Variants in MAST4 observed in about 807,000 individuals in gnomAD.
MAST4 encodes microtubule-associated serine/threonine-protein kinase 4.
A neutral mutation model predicts 162.7 loss-of-function variants in MAST4; 89 were observed. The observed-to-expected ratio is 0.55, with a 90% CI of 0.46 to 0.65. The LOEUF is 0.65. Ranked by LOEUF, MAST4 falls within the 30% of genes least tolerant of loss-of-function variation. The pLI, the probability that MAST4 is intolerant of heterozygous loss-of-function variation, is 0.00. For synonymous variants in MAST4, 1,479 were observed against 1,361.1 expected, an observed-to-expected ratio of 1.09 and a Z score of -1.91; for missense variants, 3,153 against 3,374.0, an observed-to-expected ratio of 0.93 and a Z score of 1.62.
chr5:66,646,474 T>A (rs894238986), intron 1 of MAST4, among the ~76,000 whole-genome samples: 1 of 152,150 alleles, frequency 6.6e-6, no homozygotes, highest in Non-Finnish European at 1.5e-5. Context: ...AAAAGTGACA[T>A]TCTGTTCCTA....
Position 66,754,835 on chromosome 5 carries a change from A to G in MAST4, c.364-4874A>G, listed in dbSNP as rs950512844. Among the ~76,000 whole-genome samples the G allele has an allele frequency of 2.6e-5, 4 of 152,234 alleles. No individual in the cohort carries two copies. The East Asian group carries it at 7.7e-4, about 29-fold the overall frequency. ...TTTTACATAGGCATTTACAGAGGGC[A>G]TCCCAGGAAGAGTGACATTTGAATA... On this transcript the variant is annotated intron_variant, in intron 1 of 28. Transcript: ENST00000403625.
At chr5:67,150,733 T>G (rs903793961) in intron 24 of MAST4, among the ~76,000 whole-genome samples, 4 of 152,188 alleles carry the variant, frequency 2.6e-5, no homozygotes, top group Non-Finnish European at 4.4e-5. Context: ...GTTTGGGATC[T>G]ATGTGTGTCC....
At position 67,166,248 on chromosome 5, in the gene MAST4, A is replaced by G; in HGVS notation, c.7069A>G (p.Ser2357Gly). 6 of 1,552,664 alleles carry G rather than the reference A, an allele frequency of 3.9e-6. No homozygotes were observed. Among genetic ancestry groups the G allele is most frequent in the Non-Finnish European group, 4.4e-6 (5 of 1,147,488 alleles). The change falls in exon 29 of 29, where the codon AGC becomes GGC. Residue 2357 changes from serine (S) to glycine (G), a missense_variant. By Grantham distance (56) the Ser-to-Gly change is moderately conservative. This residue lies in a region of MAST4 where 1,644 missense variants were observed against 1,495.0 expected (regional missense o/e 1.10). Transcript: ENST00000403625. ...GACAGACAACAGACAGACAGACAAA[A>G]GCCCGAGTCAGCCGGCCGCCAACAC... ...KQTDNRQTDK[S>G]PSQPAANTDR...
rs1472511770 is a variant in MAST4, at chr5:67,169,117, G to A, written c.*2066G>A. On this transcript the variant is annotated 3_prime_UTR_variant, in exon 29 of 29. Transcript: ENST00000403625. ...TAACCCAATCCTACATTCAGCCATC[G>A]GGACAAGTCTGTCGGGGAGGTAGTT... 1.3e-5 allele frequency: 2 copies of A among 152,200 alleles called. No individual in the cohort carries two copies. The highest frequency in any genetic ancestry group is 2.1e-4 in the South Asian group (1 of 4,822). 9.4% of individuals were successfully genotyped at this position (152,200 alleles called of 1,614,324 possible).
intron 4 of MAST4, among the ~76,000 whole-genome samples, chr5:66,923,051 A>C (rs1325184197): frequency 2.0e-5 from 3 of 152,224 alleles, no homozygotes; most frequent in Admixed American, 6.5e-5. Context: ...TTTCAGAAGA[A>C]TTCTTTTATC....
intron 21 of MAST4, among the ~76,000 whole-genome samples, 168 bp from the exon 22 acceptor site, chr5:67,144,501 C>T (rs1381069046): frequency 2.0e-5 from 3 of 152,058 alleles, no homozygotes; most frequent in Non-Finnish European, 4.4e-5. Context: ...CTCACCCTGA[C>T]CCTTCCTCTC....
intron 25 of MAST4, 148 bp downstream of exon 25, chr5:67,153,014 T>C: frequency 3.0e-6 from 2 of 659,586 alleles, no homozygotes; most frequent in Non-Finnish European, 5.2e-6. Context: ...CATCCCTGTA[T>C]GTGTATGGTG....
At chr5:66,744,676 T>TA (rs1752651095) in intron 1 of MAST4, among the ~76,000 whole-genome samples, 1 of 152,112 alleles carries the variant, frequency 6.6e-6, no homozygotes, top group Admixed American at 6.5e-5. Context: ...TACATACTTT[T>TA]AAAACAACCA....
intron 4 of MAST4, among the ~76,000 whole-genome samples, chr5:66,915,702 G>T (rs780500140): frequency 6.6e-6 from 1 of 152,098 alleles, no homozygotes; most frequent in Non-Finnish European, 1.5e-5. Flanking sequence ...GGTCCCGAGG[G>T]TCAGTGCTGT....
chr5:67,034,363 T>G (rs546857579), intron 4 of MAST4, among the ~76,000 whole-genome samples: 2 of 152,268 alleles, frequency 1.3e-5, no homozygotes, highest in South Asian at 2.1e-4. Context: ...CAGGTGATAC[T>G]TGTGGGCCTC....
chr5:66,998,343 TCA>T (rs1338876390), intron 4 of MAST4, among the ~76,000 whole-genome samples: 3 of 152,224 alleles, frequency 2.0e-5, no homozygotes, highest in Non-Finnish European at 4.4e-5. Context: ...TAGCCATGGT[TCA>T]CTGTTACCAT....
chr5:66,672,973 A>T (rs764597565), intron 1 of MAST4, among the ~76,000 whole-genome samples: 1 of 152,122 alleles, frequency 6.6e-6, no homozygotes, highest in Non-Finnish European at 1.5e-5. Context: ...CAGCTTCCTG[A>T]TATCTGCTGA....
intron 4 of MAST4, among the ~76,000 whole-genome samples, chr5:66,902,227 T>C (rs460619): frequency 0.54 from 81,634 of 152,014 alleles, 22,331 homozygotes; most frequent in Middle Eastern, 0.61. Flanking sequence ...TGTCTTTGGT[T>C]ATACAGCAAT....
intron 4 of MAST4, among the ~76,000 whole-genome samples, chr5:66,955,393 G>A (rs538544509): frequency 7.9e-5 from 12 of 152,134 alleles, no homozygotes; most frequent in African/African-American, 2.9e-4. Flanking sequence ...ATATGTGAAG[G>A]GTAGTGAGGA....
intron 4 of MAST4, among the ~76,000 whole-genome samples, chr5:67,051,673 A>C (rs111561895): frequency 6.6e-6 from 1 of 152,148 alleles, no homozygotes; most frequent in Admixed American, 6.5e-5. Flanking sequence ...GTAGGGTCCT[A>C]GGATTTTAAA....
chr5:67,093,526 A>T, intron 6 of MAST4: 1 of 375,576 alleles, frequency 2.7e-6, no homozygotes, highest in South Asian at 2.1e-5. Flanking sequence ...ATAGACACAG[A>T]CAACTTAGGG....
intron 5 of MAST4, among the ~76,000 whole-genome samples, chr5:67,081,448 A>G (rs1762645265): frequency 1.3e-5 from 2 of 152,074 alleles, no homozygotes; most frequent in African/African-American, 4.8e-5. Context: ...AGTATGATTG[A>G]GACAAGGAAG....
intron 1 of MAST4, among the ~76,000 whole-genome samples, chr5:66,625,994 C>T (rs1350109553): frequency 6.6e-6 from 1 of 151,976 alleles, no homozygotes; most frequent in Non-Finnish European, 1.5e-5. Flanking sequence ...TGGGTGGAGC[C>T]AGAGGACATT....
chr5:67,098,259 A>G (rs1764668163), intron 7 of MAST4, among the ~76,000 whole-genome samples: 1 of 152,184 alleles, frequency 6.6e-6, no homozygotes, highest in Admixed American at 6.5e-5. Flanking sequence ...TAAAAATGCT[A>G]TATTCGGAAA....
Sources: gnomAD v4.1 joint callset for allele counts (sites outside exome capture counted in the v4.1 genomes callset) on GRCh38, gnomAD v4.1.1 for gene constraint, gnomAD v4.1.1 regional missense constraint, MANE v1.5 for transcripts, NCBI Gene and HGNC (gene_info 2026-07-23, HGNC 2026-07-21) for gene names.